The following PSG11 variants were observed in gnomAD, a reference collection of about 807,000 sequenced individuals.
PSG11 encodes pregnancy-specific beta-1-glycoprotein 11.
PSG11 carries 42 observed loss-of-function variants against 36.0 expected under a neutral mutation model. That is an observed-to-expected ratio of 1.17 (90% CI 0.91 to 1.51). The LOEUF (loss-of-function observed/expected upper bound fraction) is 1.51. Ranked by LOEUF, PSG11 falls within the 40% of genes most tolerant of loss-of-function variation. The pLI is 0.00. For missense variants in PSG11, 558 were observed against 403.5 expected (o/e 1.38, Z -3.28); for synonymous variants, 206 against 153.5 (o/e 1.34, Z -2.53).
rs189185525 is a variant in PSG11 at position 43,021,926 on chromosome 19, A to G, written c.430+2765T>C. Among the ~76,000 whole-genome samples the G allele has an allele frequency of 2.2e-3, 330 of 151,556 alleles. 9 individuals are homozygous for G. The highest frequency in any genetic ancestry group is 7.4e-3 in the African/African-American group (305 of 41,166). On this transcript the variant is annotated intron_variant, in intron 2 of 5. Transcript: ENST00000320078. Reference sequence around the variant, plus strand: ...ATTACAACAGTGACAGCAAACTAGCATGGCTGACTCCATCTGGCATCTAGT... The same window carrying G: ...ATTACAACAGTGACAGCAAACTAGCGTGGCTGACTCCATCTGGCATCTAGT...
intron 3 of PSG11, among the ~76,000 whole-genome samples, chr19:43,017,830 G>A (rs1967004361): frequency 6.6e-6 from 1 of 151,304 alleles, no homozygotes; most frequent in South Asian, 2.1e-4. Flanking sequence ...TGACCTTTTT[G>A]GTTAAACTTA....
rs181102691 is a variant in PSG11, at chr19:43,012,356, A to C, written c.965-2315T>G. Among the ~76,000 whole-genome samples the C allele has an allele frequency of 6.1e-4, 92 of 151,574 alleles. 1 individual carries two copies. The highest frequency in any genetic ancestry group is 1.8e-3 in the African/African-American group (74 of 41,220). On this transcript the variant is annotated intron_variant, in intron 4 of 5. Coordinates refer to ENST00000320078, the MANE Select transcript of PSG11 (RefSeq NM_002785.3). ...CAAATTGGAAGGAAGGAGTAAAATT[A>C]TTTCTGTTTACAGATAACTTGAACT...
rs145853220 is a variant in PSG11, at chr19:43,025,373, G to C, written c.65-317C>G. ...CATGGCCCCCTCCACACTGCCCTCA[G>C]GTCCTGCTCACATCAGGGCATCCTT... On this transcript the variant is annotated intron_variant, in intron 1 of 5. Transcript: ENST00000320078. The C allele has an allele frequency of 2.4e-3, 848 of 359,836 alleles. 28 individuals are homozygous for C. The highest frequency in any genetic ancestry group is 0.016 in the African/African-American group (766 of 48,330). The allele number at this position is 359,836 out of a possible 1,614,324, so 22.3% of individuals were successfully genotyped here.
rs1211893931 is a variant in PSG11 at position 43,022,854 on chromosome 19, C to T, written c.430+1837G>A. Among the ~76,000 whole-genome samples, 4 of 150,512 alleles carry T rather than the reference C, an allele frequency of 2.7e-5. 1 individual carries two copies. Among genetic ancestry groups the T allele is most frequent in the African/African-American group, 9.9e-5 (4 of 40,548 alleles). On this transcript the variant is annotated intron_variant, in intron 2 of 5. Transcript: ENST00000320078. The stretch of plus-strand genomic sequence containing the variant: ...CCTTTCCTATTTCCTGGGAGGTGGG[C>T]CAGGCCACAGTGTTAGCGGGAAGGG...
In PSG11 at chr19:43,024,698, G is replaced by A; in HGVS notation, c.423C>T (p.Thr141=). The A allele has an allele frequency of 6.2e-7, 1 of 1,610,552 alleles. No homozygotes were observed. Among genetic ancestry groups the A allele is most frequent in the Non-Finnish European group, 8.5e-7 (1 of 1,178,356 alleles). Reference sequence around the variant, plus strand: ...TCATGTGGAATCACTTACGGTATAAGGTGAAGGTGAAATATCCAGTTACTC... The same window carrying A: ...TCATGTGGAATCACTTACGGTATAAAGTGAAGGTGAAATATCCAGTTACTC... ...TRGVTGYFTF[T]LYLETPKPSI... The change falls in exon 2 of 6, where the codon ACC becomes ACT. Residue 141 remains threonine, a synonymous_variant. Transcript: ENST00000320078.
At position 43,010,435 on chromosome 19, in the gene PSG11, A is replaced by G. The variant is rs186422666; in HGVS notation, c.965-394T>C. On this transcript the variant is annotated intron_variant, in intron 4 of 5. Transcript: ENST00000320078. ...GATCTCCATGGCAGGGACCTGATTG[A>G]CAGAAGGCCCAGGTCAGTGCATTTC... The G allele has an allele frequency of 1.5e-4, 226 of 1,468,160 alleles. 3 individuals are homozygous for G. In the East Asian group the frequency reaches 2.7e-3, roughly 17 times the overall value. The allele number at this position is 1,468,160 out of a possible 1,614,324, so 90.9% of individuals were successfully genotyped here. A position where few individuals can be genotyped will look rare whatever the true frequency, so the allele number is the denominator to read the frequency against.
chr19:43,013,056 T>C lies in PSG11; in HGVS notation c.964+2060A>G, dbSNP rs1324700255. ...GGACAGTGTTCTCACCAAATGGTAT[T>C]GGGAAAGCTGGATATCCAAGGGCAA... On this transcript the variant is annotated intron_variant, in intron 4 of 5. Transcript: ENST00000320078. Among the ~76,000 whole-genome samples the C allele has an allele frequency of 1.3e-5, 2 of 151,390 alleles. 1 individual carries two copies. Among genetic ancestry groups the C allele is most frequent in the Non-Finnish European group, 2.9e-5 (2 of 67,908 alleles).
At chr19:43,008,572 A>G (rs1400513729) in intron 5 of PSG11, among the ~76,000 whole-genome samples, 1 of 151,364 alleles carries the variant, frequency 6.6e-6, no homozygotes, top group Non-Finnish European at 1.5e-5. Flanking sequence ...CATCGCACCC[A>G]GCCTAGAATA....
chr19:43,011,615 T>C (rs1046499417), intron 4 of PSG11, among the ~76,000 whole-genome samples: 1 of 151,332 alleles, frequency 6.6e-6, no homozygotes, highest in Non-Finnish European at 1.5e-5. Context: ...ACTCTGAGCA[T>C]GGTGGGTCAT....
chr19:43,022,054 T>C (rs1463597097), intron 2 of PSG11, among the ~76,000 whole-genome samples: 2 of 151,438 alleles, frequency 1.3e-5, no homozygotes. Context: ...TAATAGTTCC[T>C]CCATAAAACT....
In PSG11 at chr19:43,022,371, G is replaced by A. The variant is rs995436416; in HGVS notation, c.430+2320C>T. ...GCCCGTCATGTGGTCCCTACCTAGA[G>A]GCAGATTCAAGCACAAACAGATCAT... On this transcript the variant is annotated intron_variant, in intron 2 of 5. Coordinates refer to ENST00000320078, the MANE Select transcript of PSG11 (RefSeq NM_002785.3). Among the ~76,000 whole-genome samples the A allele has an allele frequency of 1.5e-4, 22 of 151,148 alleles. 1 individual carries two copies. Among genetic ancestry groups the A allele is most frequent in the Non-Finnish European group, 2.9e-5 (2 of 67,852 alleles).
rs111739483 is a variant in PSG11 at position 43,024,780 on chromosome 19, C to T, written c.341G>A (p.Arg114Gln). The stretch of plus-strand genomic sequence containing the variant: ...TAAGGTGTAGGATCCTGCGTCCTCC[C>T]GGGTGACATTCTGGATCAGCAGGGA... ...NASLLIQNVTREDAGSYTLHI... is the reference protein window; with the variant it reads ...NASLLIQNVTQEDAGSYTLHI... The change falls in exon 2 of 6, where the codon CGG (arginine) becomes CAG (glutamine). Residue 114 changes from arginine (R) to glutamine (Q), a missense_variant. Arg to Gln is a conservative substitution (Grantham distance 43). Coordinates refer to ENST00000320078, the MANE Select transcript of PSG11 (RefSeq NM_002785.3). The T allele has an allele frequency of 8.7e-3, 13,971 of 1,611,534 alleles. 820 individuals carry two copies. The East Asian group carries it at 0.088, about 10-fold the overall frequency.
rs1394296226 is a variant in PSG11 at position 43,007,769 on chromosome 19, G to A, written c.*314C>T. The A allele has an allele frequency of 2.4e-5, 6 of 253,462 alleles. No homozygotes were observed. Among genetic ancestry groups the A allele is most frequent in the Non-Finnish European group, 4.7e-5 (6 of 127,418 alleles). The allele number at this position is 253,462 out of a possible 1,614,324, so 15.7% of individuals were successfully genotyped here. A position where few individuals can be genotyped will look rare whatever the true frequency, so the allele number is the denominator to read the frequency against. Reference sequence around the variant, plus strand: ...AATGTTTCAATTTTTGTTTACAAAAGTATACTTTACCAATTGCTGAAGAAA... The same window carrying A: ...AATGTTTCAATTTTTGTTTACAAAAATATACTTTACCAATTGCTGAAGAAA... On this transcript the variant is annotated 3_prime_UTR_variant, in exon 6 of 6. Transcript: ENST00000320078.
intron 2 of PSG11, among the ~76,000 whole-genome samples, chr19:43,021,289 A>G (rs1327129067): frequency 1.3e-5 from 2 of 151,396 alleles, no homozygotes; most frequent in Non-Finnish European, 2.9e-5. Context: ...TCCTCAAGCT[A>G]GGGATTCCTT....
intron 5 of PSG11, 196 bp from the exon 6 acceptor site, chr19:43,008,238 T>C (rs911554542): frequency 3.7e-5 from 7 of 191,722 alleles, no homozygotes; most frequent in Middle Eastern, 1.8e-3. Flanking sequence ...ACATATTTGA[T>C]TTCCAGAAAT....
chr19:43,018,647 C>G (rs1967025251), intron 3 of PSG11, 123 bp downstream of exon 3: 4 of 1,594,804 alleles, frequency 2.5e-6, no homozygotes. Context: ...AAGTCATGGC[C>G]AGCTTTGATG....
rs762911738 is a variant in PSG11, at chr19:43,015,735, G to A, written c.710-365C>T. ...GCCCCTGGTCGTTTGGATTTAAGCTGGTGTCCTGGCCCACAGAGGAACAAA... is the reference window on the plus strand; with the variant it reads ...GCCCCTGGTCGTTTGGATTTAAGCTAGTGTCCTGGCCCACAGAGGAACAAA... On this transcript the variant is annotated intron_variant, in intron 3 of 5. Coordinates refer to ENST00000320078, the MANE Select transcript of PSG11 (RefSeq NM_002785.3). 9.2e-5 allele frequency: 148 copies of A among 1,605,926 alleles called. 2 individuals are homozygous for A. The Middle Eastern group carries it at 3.2e-3, about 35-fold the overall frequency.
At chr19:43,019,197 A>T in intron 2 of PSG11, 149 bp from the exon 3 acceptor site, 2 of 1,473,050 alleles carry the variant, frequency 1.4e-6, no homozygotes, top group Middle Eastern at 2.5e-4. Context: ...ACACAGATGC[A>T]TGGCATTCTG....
At chr19:43,018,523 T>C in intron 3 of PSG11, 1 of 898,272 alleles carries the variant, frequency 1.1e-6, no homozygotes, top group East Asian at 2.8e-5. Context: ...GCCTGAGACA[T>C]TCACCTGTTT....
Sources: gnomAD v4.1 joint callset for allele counts (sites outside exome capture counted in the v4.1 genomes callset) on GRCh38, gnomAD v4.1.1 for gene constraint, MANE v1.5 for transcripts, NCBI Gene and HGNC (gene_info 2026-07-23, HGNC 2026-07-21) for gene names.